SBF2: variants seen among roughly 807,000 people sequenced by gnomAD.
SBF2 encodes the protein SET binding factor 2.
Under a neutral mutation model 225.2 loss-of-function variants are expected in SBF2, and 112 were observed. That is an observed-to-expected ratio of 0.50 (90% confidence interval 0.43 to 0.58). The LOEUF is 0.58. SBF2 is among the 20% of genes least tolerant of loss of function. SBF2 has a pLI of 0.00. For missense variants in SBF2, 1,996 were observed against 2,206.2 expected, an observed-to-expected ratio of 0.90 and a Z score of 1.91; for synonymous variants, 763 against 773.3, an observed-to-expected ratio of 0.99 and a Z score of 0.22.
intron 17 of SBF2, among the ~76,000 whole-genome samples, chr11:9,880,404 T>A (rs980549065): frequency 5.2e-4 from 79 of 152,350 alleles, no homozygotes; most frequent in Non-Finnish European, 3.1e-4. Context: ...TACATCCCTG[T>A]ATGGCAACAA....
chr11:9,982,750 T>C (rs1395246169), intron 13 of SBF2, among the ~76,000 whole-genome samples: 1 of 152,178 alleles, frequency 6.6e-6, no homozygotes, highest in African/African-American at 2.4e-5. Context: ...ACACCCCAAA[T>C]ACTGTGAGTG....
At position 10,194,127 on chromosome 11, in the gene SBF2, T is replaced by C. The variant is rs571091133; in HGVS notation, c.56-140A>G. 41 of 713,018 alleles carry C rather than the reference T, an allele frequency of 5.8e-5. No homozygotes were observed. The East Asian group carries it at 1.0e-3, about 18-fold the overall frequency. 44.2% of individuals were successfully genotyped at this position (713,018 alleles called of 1,614,324 possible). A position where few individuals can be genotyped will look rare whatever the true frequency, so the allele number is the denominator to read the frequency against. ...AAACATTTTCAAGTTTTAAAAAACA[T>C]GTGAGTATGCATCATCTAAACATTA... On this transcript the variant is annotated intron_variant, in intron 1 of 39. Transcript: ENST00000256190.
chr11:10,243,385 C>A (rs1312903208), intron 1 of SBF2, among the ~76,000 whole-genome samples: 1 of 150,560 alleles, frequency 6.6e-6, no homozygotes, highest in African/African-American at 2.4e-5. Flanking sequence ...GATCTCAAAT[C>A]AAAACCTAAC....
chr11:10,231,310 T>A (rs1424227361), intron 1 of SBF2, among the ~76,000 whole-genome samples: 3 of 152,312 alleles, frequency 2.0e-5, no homozygotes, highest in African/African-American at 7.2e-5. Context: ...TCTCAACTCG[T>A]CAAAGTCATT....
chr11:10,108,822 C>T (rs1308099734), intron 2 of SBF2, among the ~76,000 whole-genome samples: 1 of 152,114 alleles, frequency 6.6e-6, no homozygotes, highest in Admixed American at 6.6e-5. Context: ...CCGCGCCCGG[C>T]CAATAGTTAA....
At chr11:9,868,169 G>C (rs985844519) in intron 17 of SBF2, among the ~76,000 whole-genome samples, 1 of 151,736 alleles carries the variant, frequency 6.6e-6, no homozygotes, top group Non-Finnish European at 1.5e-5. Flanking sequence ...CAAATATCTA[G>C]TCATTGTTCA....
intron 6 of SBF2, among the ~76,000 whole-genome samples, chr11:10,024,742 G>A (rs1297704382): frequency 6.6e-6 from 1 of 152,156 alleles, no homozygotes; most frequent in Non-Finnish European, 1.5e-5. Context: ...TGAGGAAGGG[G>A]CTGATACAGG....
At position 9,881,270 on chromosome 11, in the gene SBF2, AT is replaced by A. The variant is rs142226033; in HGVS notation, c.1929+14672del. On this transcript the variant is annotated intron_variant, in intron 17 of 39. Coordinates refer to ENST00000256190, the MANE Select transcript of SBF2 (RefSeq NM_030962.4). Reference sequence around the variant, plus strand: ...GCACAGCAGTGATACCTAAGGATAAATTATAACCATGAACATTTTTCAGAAT... The same window carrying A: ...GCACAGCAGTGATACCTAAGGATAAATATAACCATGAACATTTTTCAGAAT... Among the ~76,000 whole-genome samples the A allele has an allele frequency of 2.9e-3, 446 of 152,312 alleles. 1 individual carries two copies. The highest frequency in any genetic ancestry group is 1.0e-2 in the African/African-American group (414 of 41,562).
intron 17 of SBF2, among the ~76,000 whole-genome samples, chr11:9,871,164 A>G (rs945989509): frequency 6.6e-6 from 1 of 152,130 alleles, no homozygotes; most frequent in Non-Finnish European, 1.5e-5. Flanking sequence ...ATTAAACTAA[A>G]GAGCTTCTGC....
chr11:9,909,645 G>C (rs1862426301), intron 16 of SBF2, among the ~76,000 whole-genome samples: 3 of 145,214 alleles, frequency 2.1e-5, no homozygotes, highest in South Asian at 2.2e-4. Context: ...ACTCCAGCCT[G>C]GGTGACAGAG....
chr11:10,025,557 A>C (rs1949019519), intron 6 of SBF2, among the ~76,000 whole-genome samples: 2 of 152,068 alleles, frequency 1.3e-5, no homozygotes, highest in Admixed American at 1.3e-4. Flanking sequence ...ATGGCTTGGC[A>C]ATTATTTACT....
chr11:9,783,390 C>T (rs570493913), intron 38 of SBF2, among the ~76,000 whole-genome samples: 4 of 152,328 alleles, frequency 2.6e-5, no homozygotes, highest in Non-Finnish European at 5.9e-5. Context: ...GCAGGTCCAA[C>T]CAAAGCACTG....
chr11:10,063,858 C>CACACAGAGAGAGAGAG lies in SBF2; in HGVS notation c.142-20878_142-20877insCTCTCTCTCTCTGTGT, dbSNP rs373423157. Reference sequence around the variant, plus strand: ...ACACACACACACACACACACACACACAGAGAGAGAGAGAGAGAGAGAGAAA... The same window carrying CACACAGAGAGAGAGAG: ...ACACACACACACACACACACACACACACACAGAGAGAGAGAGAGAGAGAGAGAGAGAGAGAGAGAAA... On this transcript the variant is annotated intron_variant, in intron 2 of 39. Coordinates refer to ENST00000256190, the MANE Select transcript of SBF2 (RefSeq NM_030962.4). 3.6e-3 allele frequency among the ~76,000 whole-genome samples: 488 copies of CACACAGAGAGAGAGAG among 136,166 alleles called. 3 individuals are homozygous for CACACAGAGAGAGAGAG. The highest frequency in any genetic ancestry group is 0.012 in the African/African-American group (445 of 36,986). 89.3% of individuals were successfully genotyped at this position (136,166 alleles called of 152,430 possible).
chr11:9,969,134 T>C (rs1357550727), intron 13 of SBF2, among the ~76,000 whole-genome samples: 3 of 152,344 alleles, frequency 2.0e-5, no homozygotes, highest in East Asian at 3.9e-4. Context: ...ATTTATTTTT[T>C]CCAATCATTT....
intron 16 of SBF2, among the ~76,000 whole-genome samples, chr11:9,911,149 T>A (rs1436078294): frequency 6.6e-6 from 1 of 151,884 alleles, no homozygotes; most frequent in East Asian, 1.9e-4. Context: ...AGGTGGATCA[T>A]GAGGTCAGGA....
chr11:9,829,372 G>C lies in SBF2; in HGVS notation c.3777C>G (p.Ala1259=), dbSNP rs774207926. 1.5e-5 allele frequency: 25 copies of C among 1,614,034 alleles called. No individual in the cohort carries two copies. Among genetic ancestry groups the C allele is most frequent in the Non-Finnish European group, 2.0e-5 (24 of 1,180,010 alleles). The part of the protein sequence containing the change: ...RGNSTLTVRP[A]FALSPGVWAS... ...AAATCTTACCTGGAGATAGAGCAAA[G>C]GCTGGCCTGACAGTAAGAGTGCTGT... Residue 1259 remains alanine, a synonymous_variant, in exon 28 of 40, where the codon GCC becomes GCG. Transcript: ENST00000256190.
chr11:9,959,202 C>T (rs1866396034), intron 16 of SBF2: 4 of 784,834 alleles, frequency 5.1e-6, no homozygotes, highest in African/African-American at 1.7e-5. Context: ...TTTGGAATTT[C>T]CACTGGGCAG....
At chr11:10,183,795 C>CT in intron 2 of SBF2, among the ~76,000 whole-genome samples, 1 of 152,108 alleles carries the variant, frequency 6.6e-6, no homozygotes, top group East Asian at 1.9e-4. Context: ...AATTTGAGCT[C>CT]ATAGAAGCAG....
chr11:10,252,226 T>C (rs1229158570), intron 1 of SBF2, among the ~76,000 whole-genome samples: 3 of 152,220 alleles, frequency 2.0e-5, no homozygotes, highest in Admixed American at 1.3e-4. Context: ...ACATTTACAA[T>C]GGTGATAGTG....
Sources: gnomAD v4.1 joint callset for allele counts (sites outside exome capture counted in the v4.1 genomes callset) on GRCh38, gnomAD v4.1.1 for gene constraint, MANE v1.5 for transcripts, NCBI Gene and HGNC (gene_info 2026-07-23, HGNC 2026-07-21) for gene names.